The following ARHGEF11 variants were observed in gnomAD, a reference collection of about 807,000 sequenced individuals.
The protein encoded by ARHGEF11 is Rho guanine exchange factor (GEF) 11.
A neutral mutation model predicts 193.7 loss-of-function variants in ARHGEF11; 55 were observed. The ratio of observed to expected loss-of-function variants is 0.28; its 90% CI spans 0.23 to 0.36. ARHGEF11 has a LOEUF of 0.36. ARHGEF11 is among the 10% of genes least tolerant of loss of function. ARHGEF11 has a pLI of 1.00. For missense variants in ARHGEF11, 1,723 were observed against 2,005.6 expected (o/e 0.86, Z 2.69); for synonymous variants, 693 against 768.0 (o/e 0.90, Z 1.62).
intron 1 of ARHGEF11, among the ~76,000 whole-genome samples, chr1:157,038,486 A>T (rs982262631): frequency 6.6e-6 from 1 of 152,202 alleles, no homozygotes; most frequent in Non-Finnish European, 1.5e-5. Context: ...ATGGTTTTAA[A>T]TTGTGGCAGA....
chr1:156,939,421 G>C, intron 37 of ARHGEF11, 127 bp downstream of exon 37: 2 of 1,336,314 alleles, frequency 1.5e-6, no homozygotes, highest in Middle Eastern at 4.0e-4. Context: ...CTTCTTCCAG[G>C]ACCCAGCGTA....
At chr1:156,976,432 T>C (rs1212494012) in intron 7 of ARHGEF11, among the ~76,000 whole-genome samples, 1 of 152,212 alleles carries the variant, frequency 6.6e-6, no homozygotes, top group Non-Finnish European at 1.5e-5. Context: ...TTTAAACATG[T>C]TGAGGGGAGG....
At position 156,941,355 on chromosome 1, in the gene ARHGEF11, C is replaced by G. The variant is rs753512695; in HGVS notation, c.3514+17G>C. Reference sequence around the variant, plus strand: ...AAGGCCTGGGCTGGCTCCCACAGGACAGTTCAGGGCCCTTACCTCCAGGCA... The same window carrying G: ...AAGGCCTGGGCTGGCTCCCACAGGAGAGTTCAGGGCCCTTACCTCCAGGCA... On this transcript the variant is annotated intron_variant, in intron 35 of 40. Transcript: ENST00000368194. 3.7e-6 allele frequency: 6 copies of G among 1,613,652 alleles called. No individual in the cohort carries two copies. In the South Asian group the frequency reaches 6.6e-5, roughly 18 times the overall value.
At position 156,937,287 on chromosome 1, in the gene ARHGEF11, T is replaced by C. The variant is rs1235441681; in HGVS notation, c.4402A>G (p.Thr1468Ala). 2 of 1,613,876 alleles carry C rather than the reference T, an allele frequency of 1.2e-6. No homozygotes were observed. The highest frequency in any genetic ancestry group is 2.2e-5 in the South Asian group (2 of 91,062). Residue 1468 changes from threonine to alanine, a missense_variant, in exon 39 of 41, where the codon ACC becomes GCC. Thr to Ala is a moderately conservative substitution (Grantham distance 58). Coordinates refer to ENST00000368194, the MANE Select transcript of ARHGEF11 (RefSeq NM_198236.3). ...AGCTTGAGAGTGAGCTGCTCAATGG[T>C]ATGGAAGATCATGCCCACGTCCCTG... ...ALRDVGMIFH[T>A]IEQLTLKLNR...
chr1:156,948,223 A>G lies in ARHGEF11; in HGVS notation c.2111T>C (p.Leu704Pro), dbSNP rs565199700. The G allele has an allele frequency of 1.5e-5, 24 of 1,589,470 alleles. No individual in the cohort carries two copies. The East Asian group carries it at 5.2e-4, about 34-fold the overall frequency. The change falls in exon 24 of 41, where the codon CTT becomes CCT. Residue 704 changes from leucine (L) to proline (P), a missense_variant. Coordinates refer to ENST00000368194, the MANE Select transcript of ARHGEF11 (RefSeq NM_198236.3). This position sits in a 1 kb window ranked among gnomAD's most constrained non-coding sequence, Gnocchi z 4.2. ...SSTSSLSTRS[L>P]ENPTPPFTPK... ...AGTGAATGGAGGGGTTGGGTTCTCA[A>G]GAGACCTGTGGAGGGAATGTCAACT...
intron 1 of ARHGEF11, among the ~76,000 whole-genome samples, chr1:157,032,332 T>C (rs1350679973): frequency 6.6e-6 from 1 of 152,122 alleles, no homozygotes; most frequent in African/African-American, 2.4e-5. Flanking sequence ...ACAAAAGTTC[T>C]GTTCTGAGAA....
At chr1:156,976,930 A>G in intron 7 of ARHGEF11, 53 bp downstream of exon 7, 2 of 1,501,534 alleles carry the variant, frequency 1.3e-6, no homozygotes, top group Non-Finnish European at 1.9e-6. Flanking sequence ...CTGCTCTGAT[A>G]AAGTATTATT....
chr1:156,976,890 C>T, intron 7 of ARHGEF11, 93 bp downstream of exon 7: 2 of 1,132,178 alleles, frequency 1.8e-6, no homozygotes, highest in Non-Finnish European at 2.7e-6. Flanking sequence ...TAGGATATTG[C>T]CTGTAAATTA....
rs777922485 is a variant in ARHGEF11 at position 156,945,167 on chromosome 1, C to T, written c.2843G>A (p.Arg948Gln). The T allele has an allele frequency of 6.2e-6, 10 of 1,613,950 alleles. No homozygotes were observed. Among genetic ancestry groups the T allele is most frequent in the Middle Eastern group, 1.6e-4 (1 of 6,072 alleles). ...AATCTCCCGGCACTGGTCCCGGGCC[C>T]GGCACAGCTTCTCATGCTCAGAGGT... ...GGTSEHEKLC[R>Q]ARDQCREILK... The change falls in exon 30 of 41, where the codon CGG becomes CAG. Residue 948 changes from arginine to glutamine, a missense_variant. Around this residue, in one of 5 missense-constraint regions of ARHGEF11, gnomAD observed 491 missense variants for 654.5 expected, o/e 0.75. Coordinates refer to ENST00000368194, the MANE Select transcript of ARHGEF11 (RefSeq NM_198236.3).
At chr1:157,013,259 T>TCACACCCACACA (rs567488551) in intron 1 of ARHGEF11, among the ~76,000 whole-genome samples, 1 of 109,490 alleles carries the variant, frequency 9.1e-6, no homozygotes, top group Non-Finnish European at 1.9e-5. Flanking sequence ...CTCCCCACTA[T>TCACACCCACACA]CACTCACACA....
Position 156,948,624 on chromosome 1 carries a change from A to G in ARHGEF11, c.1926-126T>C. The G allele has an allele frequency of 6.3e-7, 1 of 1,587,744 alleles. No individual in the cohort carries two copies. The highest frequency in any genetic ancestry group is 8.5e-7 in the Non-Finnish European group (1 of 1,170,054). On this transcript the variant is annotated intron_variant, in intron 22 of 40. Transcript: ENST00000368194. The surrounding 1 kb of genome is among the most constrained non-coding windows in gnomAD (Gnocchi z 4.2). Reference sequence around the variant, plus strand: ...CGTGCCACAGGTTCTCCTCCTGAACATGGCCAAAGCAGCTGGATGGCAGTG... The same window carrying G: ...CGTGCCACAGGTTCTCCTCCTGAACGTGGCCAAAGCAGCTGGATGGCAGTG...
intron 11 of ARHGEF11, among the ~76,000 whole-genome samples, chr1:156,967,597 G>T (rs533249617): frequency 2.0e-5 from 3 of 151,754 alleles, no homozygotes; most frequent in Non-Finnish European, 2.9e-5. Flanking sequence ...TCTATGTTAC[G>T]GTTCCAAGTA....
intron 1 of ARHGEF11, among the ~76,000 whole-genome samples, chr1:157,021,425 A>G (rs1334429280): frequency 6.6e-6 from 1 of 152,228 alleles, no homozygotes; most frequent in African/African-American, 2.4e-5. Context: ...AATCAAAATA[A>G]TAACCATCAA....
chr1:156,962,594 A>G lies in ARHGEF11; in HGVS notation c.1140+609T>C, dbSNP rs1406087596. Among the ~76,000 whole-genome samples the G allele has an allele frequency of 3.9e-5, 6 of 152,114 alleles. 1 individual carries two copies. The highest frequency in any genetic ancestry group is 3.3e-4 in the Admixed American group (5 of 15,270). On this transcript the variant is annotated intron_variant, in intron 13 of 40. Coordinates refer to ENST00000368194, the MANE Select transcript of ARHGEF11 (RefSeq NM_198236.3). ...CTACCTTCGTTTAAAAAACGAAGGA[A>G]GAGGCCGGGCGTGGTGGCTCATGCC...
intron 1 of ARHGEF11, among the ~76,000 whole-genome samples, chr1:157,014,004 A>C (rs12027230): frequency 0.24 from 36,312 of 152,124 alleles, 4,547 homozygotes; most frequent in East Asian, 0.45. Context: ...AGCTGCACTC[A>C]GCTAGGGAAA....
intron 40 of ARHGEF11, among the ~76,000 whole-genome samples, chr1:156,936,497 A>AAAAAAT (rs370282821): frequency 1.8e-4 from 6 of 33,938 alleles, no homozygotes; most frequent in East Asian, 2.2e-3. Flanking sequence ...AAAAAAAAAA[A>AAAAAAT]ATATATATAT....
intron 1 of ARHGEF11, among the ~76,000 whole-genome samples, chr1:157,036,912 G>A (rs1333087904): frequency 2.0e-5 from 3 of 151,946 alleles, no homozygotes. Context: ...GATCACCTGA[G>A]ATCAGGAGTT....
intron 6 of ARHGEF11, among the ~76,000 whole-genome samples, chr1:156,977,860 T>G (rs752868894): frequency 3.3e-5 from 5 of 152,220 alleles, no homozygotes; most frequent in Non-Finnish European, 7.3e-5. Context: ...CTGGCAATGG[T>G]CTTAAACAGA....
intron 10 of ARHGEF11, 94 bp downstream of exon 10, chr1:156,969,188 A>AGT: frequency 1.0e-6 from 1 of 989,856 alleles, no homozygotes; most frequent in East Asian, 2.6e-5. Flanking sequence ...AGGCACACAG[A>AGT]GGCCTCAGTG....
Sources: allele counts gnomAD v4.1 joint callset (sites outside exome capture counted in the v4.1 genomes callset), GRCh38; gene constraint gnomAD v4.1.1; regional missense constraint gnomAD v4.1.1; non-coding constraint Gnocchi (gnomAD v3.1); transcripts MANE v1.5; gene names NCBI Gene and HGNC (gene_info 2026-07-23, HGNC 2026-07-21).